The following GABPA variants were observed in gnomAD, a reference collection of about 807,000 sequenced individuals.
The protein encoded by GABPA is GA binding protein transcription factor subunit alpha, also known as GA-binding protein alpha chain.
A neutral mutation model predicts 59.4 loss-of-function variants in GABPA; 4 were observed. That is an observed-to-expected ratio of 0.07 (90% confidence interval 0.03 to 0.15). The LOEUF is 0.15. Ranked by LOEUF, GABPA falls within the 10% of genes least tolerant of loss-of-function variation. GABPA has a pLI of 1.00. For missense variants in GABPA, 251 were observed against 543.8 expected (o/e 0.46, Z 5.36); for synonymous variants, 164 against 183.1 (o/e 0.90, Z 0.84).
chr21:25,765,789 A>C (rs1230860182), intron 9 of GABPA, among the ~76,000 whole-genome samples: 1 of 152,042 alleles, frequency 6.6e-6, no homozygotes, highest in African/African-American at 2.4e-5. Flanking sequence ...GATTGTATAC[A>C]TACAAGTCCC....
At chr21:25,762,255 T>C in intron 6 of GABPA, 57 bp from the exon 7 acceptor site, 1 of 869,444 alleles carries the variant, frequency 1.2e-6, no homozygotes, top group Non-Finnish European at 1.9e-6. Context: ...TTTTATTGGA[T>C]TGGGGTTTTT....
At chr21:25,736,939 G>A (rs993433178) in intron 1 of GABPA, among the ~76,000 whole-genome samples, 3 of 152,040 alleles carry the variant, frequency 2.0e-5, no homozygotes, top group Non-Finnish European at 2.9e-5. Flanking sequence ...AGTTAATCTC[G>A]CAGGTACCCC....
chr21:25,741,947 C>T (rs536205505), intron 2 of GABPA, among the ~76,000 whole-genome samples: 217 of 152,262 alleles, frequency 1.4e-3, no homozygotes, highest in African/African-American at 3.7e-3. Context: ...TTATTCTTTT[C>T]CTCAGCACTG....
chr21:25,760,838 T>C (rs1389392506), intron 6 of GABPA, among the ~76,000 whole-genome samples: 1 of 152,080 alleles, frequency 6.6e-6, no homozygotes, highest in Non-Finnish European at 1.5e-5. Context: ...TTTGAAGAGA[T>C]TGGTCTTGGA....
At position 25,735,021 on chromosome 21, in the gene GABPA, C is replaced by G. The variant is rs1484140325; in HGVS notation, c.-584C>G. The G allele has an allele frequency of 4.6e-6, 7 of 1,518,028 alleles. No homozygotes were observed. In the East Asian group the frequency reaches 1.7e-4, roughly 37 times the overall value. 94.0% of individuals were successfully genotyped at this position (1,518,028 alleles called of 1,614,324 possible). A position where few individuals can be genotyped will look rare whatever the true frequency, so the allele number is the denominator to read the frequency against. ...GAAGCGTCTCGGAGACAGTCTGCGA[C>G]CGGACGGGTCTAGGTGAGACAGAAG... On this transcript the variant is annotated 5_prime_UTR_variant, in exon 1 of 10. Transcript: ENST00000400075.
intron 5 of GABPA, among the ~76,000 whole-genome samples, chr21:25,755,477 G>A (rs530899372): frequency 2.0e-5 from 3 of 150,604 alleles, no homozygotes; most frequent in Admixed American, 2.0e-4. Flanking sequence ...AGTTTCAAAC[G>A]TGTCAATATT....
rs1166387040 is a variant in GABPA, at chr21:25,764,920, TAAA to T, written c.1136+137_1136+139del. ...TGTTTATGTTTTTTTCTTTACATAT[TAAA>T]AAACCTTTTTAAAAAGATCTTAATA... is the stretch of plus-strand genomic sequence containing the variant. On this transcript the variant is annotated intron_variant, in intron 9 of 9. Coordinates refer to ENST00000400075, the MANE Select transcript of GABPA (RefSeq NM_002040.4). 2.1e-5 allele frequency: 12 copies of T among 584,654 alleles called. 1 individual carries two copies. The highest frequency in any genetic ancestry group is 3.3e-5 in the Non-Finnish European group (12 of 369,068). The allele number at this position is 584,654 out of a possible 1,614,324, so 36.2% of individuals were successfully genotyped here.
At chr21:25,742,551 C>G (rs1185889610) in intron 2 of GABPA, among the ~76,000 whole-genome samples, 1 of 152,078 alleles carries the variant, frequency 6.6e-6, no homozygotes, top group African/African-American at 2.4e-5. Context: ...AGAGGGAATG[C>G]ATGCTTCTGT....
chr21:25,735,217 C>CA lies in GABPA; in HGVS notation c.-387dup. ...CCCTAGTTCAAGCTCCCCTCCGAGT[C>CA]AGCGTCCTGTTCGTTAGGGTTATCG... On this transcript the variant is annotated 5_prime_UTR_variant, in exon 1 of 10. The change abolishes the stop of an existing upstream ORF in the 5' untranslated region. Coordinates refer to ENST00000400075, the MANE Select transcript of GABPA (RefSeq NM_002040.4). The CA allele has an allele frequency of 1.7e-6, 1 of 590,582 alleles. No individual in the cohort carries two copies. The highest frequency in any genetic ancestry group is 3.0e-6 in the Non-Finnish European group (1 of 328,950). 36.6% of individuals were successfully genotyped at this position (590,582 alleles called of 1,614,324 possible). A position where few individuals can be genotyped will look rare whatever the true frequency, so the allele number is the denominator to read the frequency against.
At chr21:25,763,308 C>A in intron 7 of GABPA, 1 of 335,606 alleles carries the variant, frequency 3.0e-6, no homozygotes, top group Non-Finnish European at 5.9e-6. Context: ...CTTTCTTTTC[C>A]GCTTATGCCA....
chr21:25,768,976 T>G, intron 9 of GABPA, 28 bp from the exon 10 acceptor site: 1 of 1,469,166 alleles, frequency 6.8e-7, no homozygotes, highest in Non-Finnish European at 9.5e-7. Context: ...TTTTCTGAAG[T>G]CTCTAATTTT....
chr21:25,755,794 T>C (rs2035622973), intron 5 of GABPA, among the ~76,000 whole-genome samples: 1 of 152,204 alleles, frequency 6.6e-6, no homozygotes, highest in African/African-American at 2.4e-5. Flanking sequence ...AACCACACCA[T>C]CTACTTTAAA....
chr21:25,747,395 A>C (rs1168312303), intron 3 of GABPA, among the ~76,000 whole-genome samples: 2 of 152,206 alleles, frequency 1.3e-5, no homozygotes, highest in Non-Finnish European at 2.9e-5. Context: ...AGGCTCTTCC[A>C]AGTTCTCAGA....
At position 25,771,254 on chromosome 21, in the gene GABPA, A is replaced by G. The variant is rs1202379825; in HGVS notation, c.*2022A>G. The G allele has an allele frequency of 6.6e-6, 1 of 151,986 alleles. No individual in the cohort carries two copies. Among genetic ancestry groups the G allele is most frequent in the African/African-American group, 2.4e-5 (1 of 41,434 alleles). 9.4% of individuals were successfully genotyped at this position (151,986 alleles called of 1,614,324 possible). Reference sequence around the variant, plus strand: ...AAGATGATAGACATGTCTCAATTATATATGTGTGTGTATGTTTTTAAAGCT... The same window carrying G: ...AAGATGATAGACATGTCTCAATTATGTATGTGTGTGTATGTTTTTAAAGCT... On this transcript the variant is annotated 3_prime_UTR_variant, in exon 10 of 10. Coordinates refer to ENST00000400075, the MANE Select transcript of GABPA (RefSeq NM_002040.4).
chr21:25,736,576 T>A (rs1216563678), intron 1 of GABPA, among the ~76,000 whole-genome samples: 2 of 152,218 alleles, frequency 1.3e-5, no homozygotes, highest in Non-Finnish European at 2.9e-5. Context: ...GCATCTGTCA[T>A]GAGGCATGTA....
chr21:25,754,577 A>T (rs1162868959), intron 5 of GABPA, among the ~76,000 whole-genome samples: 1 of 152,116 alleles, frequency 6.6e-6, no homozygotes, highest in East Asian at 1.9e-4. Context: ...TATTGCCAAT[A>T]TCGTGTTTTC....
At chr21:25,763,961 C>T (rs2035826907) in intron 7 of GABPA, among the ~76,000 whole-genome samples, 1 of 152,136 alleles carries the variant, frequency 6.6e-6, no homozygotes, top group Non-Finnish European at 1.5e-5. Context: ...GTATGCATCA[C>T]TAAGTTATTT....
intron 4 of GABPA, among the ~76,000 whole-genome samples, chr21:25,750,494 A>C (rs71649693): frequency 6.6e-6 from 1 of 152,238 alleles, no homozygotes. Context: ...TGTAATAGAC[A>C]TAGAGTCATC....
rs994769969 is a variant in GABPA at position 25,767,879 on chromosome 21, A to G, written c.1137-1125A>G. Reference sequence around the variant, plus strand: ...AGGGAAAGATGACAATTTCCTGTATATAGGTCAGTCCTTTCATTAATAGAC... The same window carrying G: ...AGGGAAAGATGACAATTTCCTGTATGTAGGTCAGTCCTTTCATTAATAGAC... On this transcript the variant is annotated intron_variant, in intron 9 of 9. Transcript: ENST00000400075. Among the ~76,000 whole-genome samples the G allele has an allele frequency of 7.2e-5, 11 of 152,254 alleles. No homozygotes were observed. The South Asian group carries it at 2.3e-3, about 32-fold the overall frequency.
Sources: gnomAD v4.1 joint callset for allele counts (sites outside exome capture counted in the v4.1 genomes callset) on GRCh38, gnomAD v4.1.1 for gene constraint, MANE v1.5 for transcripts, NCBI Gene and HGNC (gene_info 2026-07-23, HGNC 2026-07-21) for gene names.